Variants in SLC47A1 observed in about 807,000 individuals in gnomAD.
The protein encoded by SLC47A1 is solute carrier family 47 member 1, also known as multidrug and toxin extrusion protein 1.
SLC47A1 carries 58 observed loss-of-function variants against 65.8 expected under a neutral mutation model. The observed-to-expected ratio is 0.88, with a 90% CI of 0.71 to 1.10. The LOEUF is 1.10. Among genes scored for constraint, SLC47A1 ranks in the 50% least tolerant of loss-of-function variants. SLC47A1 has a pLI of 0.00. For synonymous variants in SLC47A1, 285 were observed against 295.0 expected, an observed-to-expected ratio of 0.97 and a Z score of 0.35; for missense variants, 706 against 719.2, an observed-to-expected ratio of 0.98 and a Z score of 0.21.
intron 14 of SLC47A1, among the ~76,000 whole-genome samples, chr17:19,568,717 T>C (rs1168259428): frequency 2.6e-5 from 4 of 152,158 alleles, no homozygotes; most frequent in Non-Finnish European, 5.9e-5. Flanking sequence ...TTGACTACAG[T>C]CACCCTGGTG....
At chr17:19,565,934 A>T (rs991511334) in intron 12 of SLC47A1, among the ~76,000 whole-genome samples, 2 of 152,160 alleles carry the variant, frequency 1.3e-5, no homozygotes, top group Admixed American at 1.3e-4. Flanking sequence ...TAAGTTTTCA[A>T]TTGCGTGCGG....
At chr17:19,552,922 A>G (rs1186348336) in intron 6 of SLC47A1, among the ~76,000 whole-genome samples, 1 of 152,100 alleles carries the variant, frequency 6.6e-6, no homozygotes, top group Non-Finnish European at 1.5e-5. Flanking sequence ...GAAATTAACT[A>G]ATTGGGAGAG....
At chr17:19,552,621 G>C (rs1420700579) in intron 6 of SLC47A1, among the ~76,000 whole-genome samples, 1 of 152,178 alleles carries the variant, frequency 6.6e-6, no homozygotes, top group African/African-American at 2.4e-5. Context: ...CTTCTTTCCT[G>C]TTCTCTGGGG....
At position 19,551,459 on chromosome 17, in the gene SLC47A1, G is replaced by A. The variant is rs780179114; in HGVS notation, c.534G>A (p.Leu178=). ...TTTATATGTTACAAGTTAAATATTT[G>A]CTCAACCAGGTAATACTGACTGTTC... The part of the protein sequence containing the change: ...TFLYMLQVKY[L]LNQGIVLPQI... Residue 178 remains leucine, a synonymous_variant, in exon 6 of 17, where the codon TTG becomes TTA. Transcript: ENST00000270570. The A allele has an allele frequency of 4.3e-6, 7 of 1,609,880 alleles. No individual in the cohort carries two copies. The Admixed American group carries it at 1.0e-4, about 23-fold the overall frequency.
At position 19,555,877 on chromosome 17, in the gene SLC47A1, G is replaced by T. The variant is rs372035240; in HGVS notation, c.821G>T (p.Trp274Leu). Residue 274 changes from tryptophan (W) to leucine (L), a missense_variant, in exon 9 of 17, where the codon TGG (tryptophan) becomes TTG (leucine). By Grantham distance (61) the Trp-to-Leu change is moderately conservative. Coordinates refer to ENST00000270570, the MANE Select transcript of SLC47A1 (RefSeq NM_018242.3). ...IPSMLMLCME[W>L]WAYEVGSFLS... ...AGCATGCTCATGCTGTGCATGGAGT[G>T]GTGGGCCTATGAGGTCGGGAGCTTC... The T allele has an allele frequency of 1.9e-6, 3 of 1,613,840 alleles. No homozygotes were observed. The African/African-American group carries it at 4.0e-5, about 22-fold the overall frequency.
At chr17:19,571,932 C>T (rs1026182209) in intron 15 of SLC47A1, among the ~76,000 whole-genome samples, 9 of 152,174 alleles carry the variant, frequency 5.9e-5, no homozygotes, top group African/African-American at 2.2e-4. Context: ...TGTTAAGATA[C>T]TTGTGTGCAT....
intron 12 of SLC47A1, among the ~76,000 whole-genome samples, chr17:19,563,284 C>T (rs2084328987): frequency 1.3e-5 from 2 of 151,792 alleles, no homozygotes; most frequent in African/African-American, 4.8e-5. Flanking sequence ...AGGCGCCCGC[C>T]ACCACGCTCG....
chr17:19,565,726 G>A (rs1423217253), intron 12 of SLC47A1, among the ~76,000 whole-genome samples: 1 of 151,672 alleles, frequency 6.6e-6, no homozygotes, highest in Admixed American at 6.6e-5. Flanking sequence ...GACTACAGGC[G>A]CCCGCCACCA....
At chr17:19,552,832 A>G (rs1916490335) in intron 6 of SLC47A1, among the ~76,000 whole-genome samples, 1 of 152,124 alleles carries the variant, frequency 6.6e-6, no homozygotes, top group Admixed American at 6.5e-5. Context: ...ATGCAGTGAG[A>G]TGATGGCATC....
intron 1 of SLC47A1, among the ~76,000 whole-genome samples, chr17:19,536,067 G>C (rs888949337): frequency 6.6e-6 from 1 of 151,772 alleles, no homozygotes; most frequent in African/African-American, 2.4e-5. Context: ...CTGGAGTAGC[G>C]GAGATTACAG....
chr17:19,573,539 T>TAA (rs766681183), intron 16 of SLC47A1, among the ~76,000 whole-genome samples: 28,427 of 151,386 alleles, frequency 0.19, 2,747 homozygotes, highest in East Asian at 0.29. Flanking sequence ...TTTTTTTTTT[T>TAA]AAATAGAAAG....
chr17:19,544,099 C>G (rs1202612292), intron 2 of SLC47A1, among the ~76,000 whole-genome samples: 1 of 152,094 alleles, frequency 6.6e-6, no homozygotes, highest in African/African-American at 2.4e-5. Flanking sequence ...CACATGCCAC[C>G]ACACCCAGCT....
chr17:19,540,480 A>G (rs1916112929), intron 1 of SLC47A1, among the ~76,000 whole-genome samples: 1 of 152,200 alleles, frequency 6.6e-6, no homozygotes, highest in African/African-American at 2.4e-5. Context: ...TTAAAGATAC[A>G]TGAATTCACA....
Position 19,549,419 on chromosome 17 carries a change from G to A in SLC47A1, c.456-216G>A, listed in dbSNP as rs552127827. Among the ~76,000 whole-genome samples, 4 of 152,100 alleles carry A rather than the reference G, an allele frequency of 2.6e-5. No individual in the cohort carries two copies. In the East Asian group the frequency reaches 5.8e-4, roughly 22 times the overall value. ...TTACTATGTTAGCCAGGCTGGTCTC[G>A]AACTCCTCAGCTCATGAACTGCTTG... is the stretch of plus-strand genomic sequence containing the variant. On this transcript the variant is annotated intron_variant, in intron 4 of 16. Coordinates refer to ENST00000270570, the MANE Select transcript of SLC47A1 (RefSeq NM_018242.3).
In SLC47A1 at chr17:19,560,237, T is replaced by A. The variant is rs1355564065; in HGVS notation, c.971T>A (p.Leu324Gln). 2 of 1,613,608 alleles carry A rather than the reference T, an allele frequency of 1.2e-6. No individual in the cohort carries two copies. The highest frequency in any genetic ancestry group is 1.3e-5 in the African/African-American group (1 of 74,902). The change falls in exon 11 of 17, where the codon CTG (leucine) becomes CAG (glutamine). Residue 324 changes from leucine to glutamine, a missense_variant. By Grantham distance (113) the Leu-to-Gln change is moderately radical (BLOSUM62 -2). Transcript: ENST00000270570. ...GCCAGTGTCCGGGTAGGAAACGCTC[T>A]GGGTGCTGGAGACATGGAGCAGGCA... ...VAASVRVGNA[L>Q]GAGDMEQARK...
rs1278021435 is a variant in SLC47A1, at chr17:19,551,465, C to T, written c.540C>T (p.Asn180=). The change falls in exon 6 of 17, where the codon AAC becomes AAT. Residue 180 remains asparagine, a synonymous_variant. Coordinates refer to ENST00000270570, the MANE Select transcript of SLC47A1 (RefSeq NM_018242.3). ...LYMLQVKYLL[N]QGIVLPQIVT... is the part of the protein sequence containing the mutation. Reference sequence around the variant, plus strand: ...TGTTACAAGTTAAATATTTGCTCAACCAGGTAATACTGACTGTTCTCTTCC... The same window carrying T: ...TGTTACAAGTTAAATATTTGCTCAATCAGGTAATACTGACTGTTCTCTTCC... 2 of 1,609,290 alleles carry T rather than the reference C, an allele frequency of 1.2e-6. No homozygotes were observed. The highest frequency in any genetic ancestry group is 2.7e-5 in the African/African-American group (2 of 74,974).
intron 14 of SLC47A1, among the ~76,000 whole-genome samples, chr17:19,570,621 T>A (rs2084392452): frequency 6.6e-6 from 1 of 152,234 alleles, no homozygotes; most frequent in Admixed American, 6.5e-5. Context: ...CTGGTTAGCT[T>A]CCTGGATTGT....
intron 5 of SLC47A1, among the ~76,000 whole-genome samples, chr17:19,551,163 T>C (rs1257395613): frequency 6.6e-6 from 1 of 152,168 alleles, no homozygotes; most frequent in Non-Finnish European, 1.5e-5. Flanking sequence ...GTCCTGGCCA[T>C]TCACCCAGGG....
At chr17:19,548,506 T>C (rs981193772) in intron 4 of SLC47A1, among the ~76,000 whole-genome samples, 3 of 150,934 alleles carry the variant, frequency 2.0e-5, no homozygotes, top group Admixed American at 6.6e-5. Flanking sequence ...TTTCTTTTTT[T>C]TTTTTTTTTT....
Sources: gnomAD v4.1 joint callset for allele counts (sites outside exome capture counted in the v4.1 genomes callset) on GRCh38, gnomAD v4.1.1 for gene constraint, MANE v1.5 for transcripts, NCBI Gene and HGNC (gene_info 2026-07-23, HGNC 2026-07-21) for gene names.